TSHZ1: variants seen among roughly 807,000 people sequenced by gnomAD.
The protein encoded by TSHZ1 is teashirt homolog 1.
TSHZ1 carries 12 observed loss-of-function variants against 67.1 expected under a neutral mutation model. The ratio of observed to expected loss-of-function variants is 0.18; its 90% CI spans 0.11 to 0.29. The LOEUF is 0.29. Among genes scored for constraint, TSHZ1 ranks in the 10% least tolerant of loss-of-function variants. The pLI is 1.00. For synonymous variants in TSHZ1, 632 were observed against 622.4 expected (o/e 1.02, Z -0.23); for missense variants, 1,305 against 1,413.9 (o/e 0.92, Z 1.23).
At chr18:75,228,555 T>C (rs2022955090) in intron 1 of TSHZ1, among the ~76,000 whole-genome samples, 1 of 152,244 alleles carries the variant, frequency 6.6e-6, no homozygotes, top group South Asian at 2.1e-4. Flanking sequence ...GTCAGGAGCA[T>C]GATGCTGTGG....
intron 1 of TSHZ1, among the ~76,000 whole-genome samples, chr18:75,240,204 G>A (rs1307815513): frequency 6.6e-6 from 1 of 152,194 alleles, no homozygotes; most frequent in East Asian, 1.9e-4. Context: ...CGTTGCCTAA[G>A]TATGGATTTA....
In TSHZ1 at chr18:75,288,636, C is replaced by A; in HGVS notation, c.3229C>A (p.Gln1077Lys). 2 of 1,588,070 alleles carry A rather than the reference C, an allele frequency of 1.3e-6. No homozygotes were observed. Among genetic ancestry groups the A allele is most frequent in the Non-Finnish European group, 8.6e-7 (1 of 1,167,452 alleles). ...GATCTATGTGACTGAGTTGGAGAAACAGTAGCGTCCAGGTATGCAAGAGAC... is the reference window on the plus strand; with the variant it reads ...GATCTATGTGACTGAGTTGGAGAAAAAGTAGCGTCCAGGTATGCAAGAGAC... ...HLIYVTELEK[Q>K] Residue 1077 changes from glutamine to lysine, a missense_variant, in exon 2 of 2, where the codon CAG becomes AAG. Physicochemically the swap from Gln to Lys is moderately conservative, Grantham distance 53. Coordinates refer to ENST00000580243, the MANE Select transcript of TSHZ1 (RefSeq NM_001308210.2). This position sits in a 1 kb window ranked among gnomAD's most constrained non-coding sequence, Gnocchi z 4.9.
intron 1 of TSHZ1, among the ~76,000 whole-genome samples, chr18:75,223,046 C>T (rs536808210): frequency 2.6e-5 from 4 of 152,138 alleles, no homozygotes; most frequent in South Asian, 4.2e-4. Context: ...CACCTCCCTG[C>T]CTCCCAGCAC....
Position 75,288,030 on chromosome 18 carries a change from G to T in TSHZ1, c.2623G>T (p.Ala875Ser), listed in dbSNP as rs768813825. The T allele has an allele frequency of 6.2e-7, 1 of 1,613,964 alleles. No individual in the cohort carries two copies. Among genetic ancestry groups the T allele is most frequent in the Non-Finnish European group, 8.5e-7 (1 of 1,180,048 alleles). Residue 875 changes from alanine (A) to serine (S), a missense_variant, in exon 2 of 2, where the codon GCG becomes TCG. Physicochemically the swap from Ala to Ser is moderately conservative, Grantham distance 99 (BLOSUM62 1). This residue lies in a region of TSHZ1 where 909 missense variants were observed against 961.8 expected (regional missense o/e 0.95). Transcript: ENST00000580243. This position sits in a 1 kb window ranked among gnomAD's most constrained non-coding sequence, Gnocchi z 4.9. Reference protein sequence around the residue: ...SDADGSSFEEALDELSPVHKR... With the variant: ...SDADGSSFEESLDELSPVHKR... ...TGCTGATGGCAGCAGCTTTGAGGAG[G>T]CGTTGGACGAGCTGTCACCGGTCCA...
chr18:75,266,006 T>C (rs2023486390), intron 1 of TSHZ1, among the ~76,000 whole-genome samples: 1 of 152,154 alleles, frequency 6.6e-6, no homozygotes, highest in Admixed American at 6.5e-5. Flanking sequence ...AAGCAAATGG[T>C]ATCAACATTG....
chr18:75,275,170 G>T (rs1390388615), intron 1 of TSHZ1, among the ~76,000 whole-genome samples: 1 of 152,182 alleles, frequency 6.6e-6, no homozygotes, highest in South Asian at 2.1e-4. Flanking sequence ...GTTCCTGTGT[G>T]TTTATGGGAA....
chr18:75,211,797 GCCCGCGCCCGGGGCCCCGCGTC>G lies in TSHZ1; in HGVS notation c.-70_-49del. 1 of 965,532 alleles carries G rather than the reference GCCCGCGCCCGGGGCCCCGCGTC, an allele frequency of 1.0e-6. No homozygotes were observed. The highest frequency in any genetic ancestry group is 1.2e-6 in the Non-Finnish European group (1 of 805,994). 59.8% of individuals were successfully genotyped at this position (965,532 alleles called of 1,614,324 possible). On this transcript the variant is annotated 5_prime_UTR_variant, in exon 1 of 2. It removes the in-frame stop codon of an upstream open reading frame in the 5' UTR. Coordinates refer to ENST00000580243, the MANE Select transcript of TSHZ1 (RefSeq NM_001308210.2). ...AAAGTTGGGCGCGCCGCGGAGTTGC[GCCCGCGCCCGGGGCCCCGCGTC>G]CCCGCGCCCCGCGAACTCCGGCGGC...
At chr18:75,274,906 G>C (rs983981893) in intron 1 of TSHZ1, among the ~76,000 whole-genome samples, 1 of 152,214 alleles carries the variant, frequency 6.6e-6, no homozygotes, top group Non-Finnish European at 1.5e-5. Flanking sequence ...AAAGTCAGGT[G>C]TCATGTTACC....
intron 1 of TSHZ1, among the ~76,000 whole-genome samples, chr18:75,233,721 C>CT (rs201466735): frequency 0.018 from 2,769 of 152,258 alleles, 31 homozygotes; most frequent in South Asian, 0.029. Flanking sequence ...AGTGGCCTTC[C>CT]TTTTTGAGGA....
At chr18:75,251,641 A>G (rs542949396) in intron 1 of TSHZ1, among the ~76,000 whole-genome samples, 1 of 152,140 alleles carries the variant, frequency 6.6e-6, no homozygotes, top group African/African-American at 2.4e-5. Context: ...TTTTAATTTG[A>G]CAATCTTTGC....
Position 75,211,818 on chromosome 18 carries a change from T to TCCCCGCGC in TSHZ1, c.-55_-48dup. The TCCCCGCGC allele has an allele frequency of 9.4e-7, 1 of 1,069,038 alleles. No individual in the cohort carries two copies. The highest frequency in any genetic ancestry group is 1.1e-6 in the Non-Finnish European group (1 of 884,434). The allele number at this position is 1,069,038 out of a possible 1,614,324, so 66.2% of individuals were successfully genotyped here. On this transcript the variant is annotated 5_prime_UTR_variant, in exon 1 of 2. The change abolishes the stop of an existing upstream ORF in the 5' untranslated region. Transcript: ENST00000580243. ...TTGCGCCCGCGCCCGGGGCCCCGCG[T>TCCCCGCGC]CCCCGCGCCCCGCGAACTCCGGCGG...
chr18:75,231,846 G>A (rs921052562), intron 1 of TSHZ1, among the ~76,000 whole-genome samples: 19 of 151,910 alleles, frequency 1.3e-4, no homozygotes, highest in African/African-American at 2.9e-4. Context: ...CCCACTCTGC[G>A]ATTTTAGATC....
intron 1 of TSHZ1, among the ~76,000 whole-genome samples, chr18:75,238,351 G>A (rs1325203251): frequency 1.3e-5 from 2 of 152,186 alleles, no homozygotes; most frequent in African/African-American, 4.8e-5. Context: ...GTGTAGTAGA[G>A]TCGTCGTAGG....
chr18:75,281,517 A>G lies in TSHZ1; in HGVS notation c.41-3931A>G, dbSNP rs948277805. Among the ~76,000 whole-genome samples the G allele has an allele frequency of 6.6e-6, 1 of 152,030 alleles. No individual in the cohort carries two copies. The highest frequency in any genetic ancestry group is 2.4e-5 in the African/African-American group (1 of 41,394). On this transcript the variant is annotated intron_variant, in intron 1 of 1. Transcript: ENST00000580243. This position sits in a 1 kb window ranked among gnomAD's most constrained non-coding sequence, Gnocchi z 5.3. ...CATGGGGCCAGGCCCTGAAAGCACC[A>G]TGGGGGTGGCATGACAGGCGTCCTC...
At chr18:75,216,122 C>T (rs1479904558) in intron 1 of TSHZ1, among the ~76,000 whole-genome samples, 1 of 152,104 alleles carries the variant, frequency 6.6e-6, no homozygotes, top group African/African-American at 2.4e-5. Flanking sequence ...TTTATTCATA[C>T]AGGGGGATGA....
At chr18:75,250,757 G>T (rs2023292098) in intron 1 of TSHZ1, among the ~76,000 whole-genome samples, 2 of 152,258 alleles carry the variant, frequency 1.3e-5, no homozygotes, top group South Asian at 4.1e-4. Flanking sequence ...GAAGGCCACA[G>T]GTCACCCAGA....
chr18:75,260,149 G>A (rs2122580094), intron 1 of TSHZ1, among the ~76,000 whole-genome samples: 1 of 152,350 alleles, frequency 6.6e-6, no homozygotes, highest in Non-Finnish European at 1.5e-5. Flanking sequence ...GCCCCGGAGG[G>A]GTTCTTTCTG....
intron 1 of TSHZ1, among the ~76,000 whole-genome samples, chr18:75,260,017 C>G (rs1568362648): frequency 1.3e-5 from 2 of 152,176 alleles, no homozygotes; most frequent in African/African-American, 4.8e-5. Context: ...TGATGCCTTT[C>G]AGGTCTCAAG....
chr18:75,274,140 C>T (rs1303757709), intron 1 of TSHZ1, among the ~76,000 whole-genome samples: 1 of 152,104 alleles, frequency 6.6e-6, no homozygotes, highest in East Asian at 1.9e-4. Context: ...TCTGCACCAT[C>T]GTGCTAGGCT....
Sources: allele counts gnomAD v4.1 joint callset (sites outside exome capture counted in the v4.1 genomes callset), GRCh38; gene constraint gnomAD v4.1.1; regional missense constraint gnomAD v4.1.1; non-coding constraint Gnocchi (gnomAD v3.1); transcripts MANE v1.5; gene names NCBI Gene and HGNC (gene_info 2026-07-23, HGNC 2026-07-21).